Variants in TRIM23 observed in about 807,000 individuals in gnomAD.
TRIM23 encodes the protein E3 ubiquitin-protein ligase TRIM23.
Under a neutral mutation model 71.0 loss-of-function variants are expected in TRIM23, and 27 were observed. That is an observed-to-expected ratio of 0.38 (90% CI 0.28 to 0.52). The LOEUF is 0.52. Among genes scored for constraint, TRIM23 ranks in the 20% least tolerant of loss-of-function variants. The pLI is 0.84. For missense variants in TRIM23, 482 were observed against 692.3 expected (o/e 0.70, Z 3.41); for synonymous variants, 234 against 238.0 (o/e 0.98, Z 0.16).
chr5:65,615,429 C>A (rs964738150), intron 2 of TRIM23, among the ~76,000 whole-genome samples: 2 of 152,094 alleles, frequency 1.3e-5, no homozygotes, highest in East Asian at 1.9e-4. Flanking sequence ...CAAATAACAT[C>A]TGATATAGCT....
chr5:65,611,877 A>G lies in TRIM23; in HGVS notation c.371T>C (p.Ile124Thr), dbSNP rs760536071. Residue 124 changes from isoleucine to threonine, a missense_variant, in exon 4 of 11, where the codon ATC becomes ACC. Ile to Thr is a moderately conservative substitution (Grantham distance 89). Transcript: ENST00000231524. Reference protein sequence around the residue: ...EESIGISGESIIRCDEDEAHL... With the variant: ...EESIGISGESTIRCDEDEAHL... The stretch of plus-strand genomic sequence containing the variant: ...AGCTTCATCTTCATCACAACGAATG[A>G]TGCTCTGATAAACAAAAAATTAATG... 1 of 1,607,518 alleles carries G rather than the reference A, an allele frequency of 6.2e-7. No individual in the cohort carries two copies. Among genetic ancestry groups the G allele is most frequent in the South Asian group, 1.1e-5 (1 of 90,858 alleles).
At chr5:65,619,917 A>C (rs1269328069) in intron 1 of TRIM23, among the ~76,000 whole-genome samples, 1 of 152,154 alleles carries the variant, frequency 6.6e-6, no homozygotes, top group Non-Finnish European at 1.5e-5. Flanking sequence ...TCCCATCTCT[A>C]CTAAAAATAC....
chr5:65,597,625 T>TA (rs398109016), intron 7 of TRIM23, among the ~76,000 whole-genome samples: 28 of 152,144 alleles, frequency 1.8e-4, no homozygotes, highest in South Asian at 6.2e-4. Flanking sequence ...AATTTTTTTT[T>TA]AAAAAAGTAT....
intron 2 of TRIM23, among the ~76,000 whole-genome samples, chr5:65,617,655 T>C (rs1455383339): frequency 6.6e-6 from 1 of 152,168 alleles, no homozygotes; most frequent in Non-Finnish European, 1.5e-5. Flanking sequence ...TATCACAAGC[T>C]ACAAACACTT....
intron 10 of TRIM23, 21 bp from the exon 11 acceptor site, chr5:65,591,969 T>A: frequency 1.2e-6 from 2 of 1,600,528 alleles, no homozygotes; most frequent in Non-Finnish European, 1.7e-6. Flanking sequence ...TATACACATA[T>A]TTTTTATCAG....
intron 10 of TRIM23, among the ~76,000 whole-genome samples, chr5:65,593,969 T>C (rs751508546): frequency 2.6e-5 from 4 of 152,224 alleles, no homozygotes; most frequent in East Asian, 1.9e-4. Flanking sequence ...TCCTTGCTCA[T>C]AGAATAAAAC....
intron 10 of TRIM23, among the ~76,000 whole-genome samples, chr5:65,593,764 A>G (rs547271215): frequency 4.6e-5 from 7 of 152,176 alleles, no homozygotes; most frequent in South Asian, 4.1e-4. Context: ...TTCTGCCTCA[A>G]AGTCTTTTCC....
At position 65,605,048 on chromosome 5, in the gene TRIM23, A is replaced by G. The variant is rs189370941; in HGVS notation, c.1045-3T>C. 2.1e-4 allele frequency: 330 copies of G among 1,600,012 alleles called. 2 individuals carry two copies. The African/African-American group carries it at 3.9e-3, about 19-fold the overall frequency. On this transcript the variant is annotated splice_region_variant and splice_polypyrimidine_tract_variant and intron_variant, in intron 6 of 10. Transcript: ENST00000231524. ...GCCAAGACAACTCTACAATCATCCT[A>G]TAAGAGGCAAAACAATATTTCTTAT...
rs1738639662 is a variant in TRIM23 at position 65,591,321 on chromosome 5, T to C, written c.*448A>G. On this transcript the variant is annotated 3_prime_UTR_variant, in exon 11 of 11. Transcript: ENST00000231524. ...AGCAACTGTCATTTCTACTACTAAA[T>C]GCTGCCAACATTCAGTGAAAAGGCA... 7.0e-7 allele frequency: 1 copy of C among 1,421,408 alleles called. No homozygotes were observed. The highest frequency in any genetic ancestry group is 1.5e-5 in the South Asian group (1 of 67,644). 88.0% of individuals were successfully genotyped at this position (1,421,408 alleles called of 1,614,324 possible).
intron 3 of TRIM23, 114 bp downstream of exon 3, chr5:65,613,984 T>G: frequency 6.5e-7 from 1 of 1,544,048 alleles, no homozygotes; most frequent in Non-Finnish European, 8.8e-7. Context: ...TGAAAAGTTG[T>G]GTTTCTAGAA....
rs774882162 is a variant in TRIM23, at chr5:65,610,933, A to G, written c.756T>C (p.Val252=). 6.2e-7 allele frequency: 1 copy of G among 1,613,906 alleles called. No homozygotes were observed. Residue 252 remains valine, a synonymous_variant, in exon 5 of 11, where the codon GTT becomes GTC. Coordinates refer to ENST00000231524, the MANE Select transcript of TRIM23 (RefSeq NM_001656.4). The part of the protein sequence containing the change: ...EEISDYSRKL[V]GIVQHIEGGE... Reference sequence around the variant, plus strand: ...CTCCTTCAATGTGCTGCACAATTCCAACTAATTTTCTGGAATAATCTGAGA... The same window carrying G: ...CTCCTTCAATGTGCTGCACAATTCCGACTAATTTTCTGGAATAATCTGAGA...
chr5:65,590,220 G>A lies in TRIM23; in HGVS notation c.*1549C>T, dbSNP rs1354831160. 2.2e-6 allele frequency: 2 copies of A among 927,528 alleles called. No homozygotes were observed. The highest frequency in any genetic ancestry group is 3.3e-6 in the Non-Finnish European group (2 of 602,820). 57.5% of individuals were successfully genotyped at this position (927,528 alleles called of 1,614,324 possible). A position where few individuals can be genotyped will look rare whatever the true frequency, so the allele number is the denominator to read the frequency against. On this transcript the variant is annotated 3_prime_UTR_variant, in exon 11 of 11. Transcript: ENST00000231524. ...ACCTTTTTTATTTTTCACAGTTATT[G>A]AAATCAGTCAAATATTAAATAATTT...
intron 4 of TRIM23, 112 bp downstream of exon 4, chr5:65,611,491 T>A: frequency 9.7e-6 from 12 of 1,231,750 alleles, no homozygotes; most frequent in Non-Finnish European, 1.4e-5. Context: ...CACTCATCAC[T>A]TAACTCTTCT....
chr5:65,607,864 T>C (rs1477548431), intron 6 of TRIM23, among the ~76,000 whole-genome samples: 2 of 152,168 alleles, frequency 1.3e-5, no homozygotes, highest in Non-Finnish European at 2.9e-5. Flanking sequence ...TCTATCTAGA[T>C]GCAAAGAATT....
intron 7 of TRIM23, among the ~76,000 whole-genome samples, chr5:65,598,851 G>A (rs1441696141): frequency 6.6e-6 from 1 of 151,474 alleles, no homozygotes; most frequent in Non-Finnish European, 1.5e-5. Flanking sequence ...ATAATACACA[G>A]AATGAGAGAA....
intron 7 of TRIM23, 46 bp from the exon 8 acceptor site, chr5:65,597,226 G>T: frequency 3.1e-6 from 5 of 1,587,456 alleles, no homozygotes; most frequent in Non-Finnish European, 4.3e-6. Flanking sequence ...CAGTTAGAAA[G>T]TAATAGCATT....
intron 2 of TRIM23, among the ~76,000 whole-genome samples, chr5:65,616,002 T>C (rs1754768554): frequency 6.6e-6 from 1 of 152,216 alleles, no homozygotes; most frequent in Non-Finnish European, 1.5e-5. Flanking sequence ...AGAATTTACT[T>C]TGAAAATCAT....
chr5:65,617,313 C>G (rs1344599064), intron 2 of TRIM23, among the ~76,000 whole-genome samples: 1 of 152,066 alleles, frequency 6.6e-6, no homozygotes, highest in South Asian at 2.1e-4. Flanking sequence ...CTCTTGCTTC[C>G]TTTTTTGGTG....
At chr5:65,610,583 C>T (rs959835622) in intron 5 of TRIM23, among the ~76,000 whole-genome samples, 1 of 152,182 alleles carries the variant, frequency 6.6e-6, no homozygotes, top group African/African-American at 2.4e-5. Flanking sequence ...GTTTAAACAC[C>T]ATTTCTTCTA....
Sources: allele counts gnomAD v4.1 joint callset (sites outside exome capture counted in the v4.1 genomes callset), GRCh38; gene constraint gnomAD v4.1.1; transcripts MANE v1.5; gene names NCBI Gene and HGNC (gene_info 2026-07-23, HGNC 2026-07-21).